The following SLC44A3 variants were observed in gnomAD, a reference collection of about 807,000 sequenced individuals.
SLC44A3 encodes solute carrier family 44 member 3.
In SLC44A3, 74 loss-of-function variants were observed where a neutral mutation model predicts 75.4. The ratio of observed to expected loss-of-function variants is 0.98; its 90% CI spans 0.81 to 1.19. The LOEUF (loss-of-function observed/expected upper bound fraction) is 1.19. SLC44A3 is among the 50% of genes most tolerant of loss of function. SLC44A3 has a pLI of 0.00. For synonymous variants in SLC44A3, 310 were observed against 296.9 expected, an observed-to-expected ratio of 1.04 and a Z score of -0.45; for missense variants, 700 against 778.6, an observed-to-expected ratio of 0.90 and a Z score of 1.20.
At chr1:94,821,696 GTCTCACCCGACA>G (rs1660613394) in intron 2 of SLC44A3, among the ~76,000 whole-genome samples, 1 of 152,134 alleles carries the variant, frequency 6.6e-6, no homozygotes, top group African/African-American at 2.4e-5. Context: ...AGCAGAAAAC[GTCTCACCCGACA>G]TTTTCAAAGG....
intron 5 of SLC44A3, among the ~76,000 whole-genome samples, chr1:94,832,630 A>G (rs1056427487): frequency 1.3e-5 from 2 of 152,336 alleles, no homozygotes; most frequent in East Asian, 1.9e-4. Context: ...TAGGTAATAC[A>G]TACTGAGTCA....
At chr1:94,828,451 C>G in intron 4 of SLC44A3, 42 bp from the exon 5 acceptor site, 2 of 1,541,216 alleles carry the variant, frequency 1.3e-6, no homozygotes, top group Non-Finnish European at 1.8e-6. Flanking sequence ...CTTACTGACT[C>G]ACCTGGAAAG....
chr1:94,892,153 A>C (rs1304906407), intron 13 of SLC44A3, 128 bp from the exon 14 acceptor site: 2 of 862,842 alleles, frequency 2.3e-6, no homozygotes, highest in Non-Finnish European at 3.6e-6. Context: ...ATTTCTGACA[A>C]GCATTCTTTA....
At chr1:94,821,243 A>T (rs573897801) in intron 2 of SLC44A3, among the ~76,000 whole-genome samples, 187 bp downstream of exon 2, 1 of 152,338 alleles carries the variant, frequency 6.6e-6, no homozygotes, top group African/African-American at 2.4e-5. Context: ...TCTTTTTGCT[A>T]CAGGCCATGT....
chr1:94,848,004 G>A (rs921790239), intron 9 of SLC44A3, among the ~76,000 whole-genome samples: 5 of 152,154 alleles, frequency 3.3e-5, no homozygotes, highest in Non-Finnish European at 5.9e-5. Context: ...CAAGGCGGGC[G>A]GATCATGAGG....
At chr1:94,875,380 T>C (rs1668165108) in intron 12 of SLC44A3, among the ~76,000 whole-genome samples, 1 of 152,174 alleles carries the variant, frequency 6.6e-6, no homozygotes, top group Admixed American at 6.5e-5. Context: ...ACTTTAGAGA[T>C]CATGAAACAG....
chr1:94,822,762 A>T (rs1264358050), intron 2 of SLC44A3, among the ~76,000 whole-genome samples: 1 of 152,150 alleles, frequency 6.6e-6, no homozygotes, highest in Non-Finnish European at 1.5e-5. Context: ...ATCCCTCAAG[A>T]TTCCATTTTC....
intron 14 of SLC44A3, among the ~76,000 whole-genome samples, chr1:94,892,873 T>C (rs1253717436): frequency 6.6e-6 from 1 of 152,178 alleles, no homozygotes; most frequent in Non-Finnish European, 1.5e-5. Flanking sequence ...TCTAGAAGTT[T>C]AACAGTTGAT....
chr1:94,862,904 A>C (rs1666742646), intron 10 of SLC44A3, among the ~76,000 whole-genome samples: 1 of 152,188 alleles, frequency 6.6e-6, no homozygotes. Context: ...TGGGTGTGTC[A>C]GATCCTCTTC....
Position 94,864,818 on chromosome 1 carries a change from T to A in SLC44A3, c.1314T>A (p.Val438=), listed in dbSNP as rs757551171. ...SILFFYHQGT[V]VKGSFLISVV... ...TCTTCTTCTACCATCAAGGAACCGTTGTGAAAGGGTCATTTTTAATCTCTG... is the reference window on the plus strand; with the variant it reads ...TCTTCTTCTACCATCAAGGAACCGTAGTGAAAGGGTCATTTTTAATCTCTG... The change falls in exon 11 of 15, where the codon GTT becomes GTA. Residue 438 remains valine, a synonymous_variant. Coordinates refer to ENST00000271227, the MANE Select transcript of SLC44A3 (RefSeq NM_001114106.3). The A allele has an allele frequency of 1.4e-5, 23 of 1,614,040 alleles. No individual in the cohort carries two copies. Among genetic ancestry groups the A allele is most frequent in the Non-Finnish European group, 1.8e-5 (21 of 1,179,920 alleles).
chr1:94,879,740 G>A (rs1433699039), intron 12 of SLC44A3, among the ~76,000 whole-genome samples: 1 of 151,108 alleles, frequency 6.6e-6, no homozygotes, highest in African/African-American at 2.4e-5. Context: ...TTGGGAGGCT[G>A]AGGCAGGAAA....
intron 9 of SLC44A3, among the ~76,000 whole-genome samples, chr1:94,851,971 A>G (rs572661131): frequency 9.9e-5 from 15 of 152,262 alleles, no homozygotes; most frequent in Non-Finnish European, 1.8e-4. Context: ...ATCCAGACTT[A>G]CAGCTAACTG....
chr1:94,853,362 C>G (rs1665453926), intron 9 of SLC44A3, among the ~76,000 whole-genome samples: 1 of 152,114 alleles, frequency 6.6e-6, no homozygotes, highest in African/African-American at 2.4e-5. Flanking sequence ...TAAGTATAGA[C>G]AATCTTGAGG....
chr1:94,820,871 C>T (rs1450099065), intron 1 of SLC44A3, 78 bp from the exon 2 acceptor site: 3 of 1,381,758 alleles, frequency 2.2e-6, no homozygotes, highest in Non-Finnish European at 2.9e-6. Flanking sequence ...GGCCCCTCTT[C>T]GAGTAGATTT....
intron 5 of SLC44A3, among the ~76,000 whole-genome samples, chr1:94,834,156 C>A (rs1662482053): frequency 6.6e-6 from 1 of 152,140 alleles, no homozygotes; most frequent in Non-Finnish European, 1.5e-5. Flanking sequence ...ATCAGTAATA[C>A]CCCACCATAC....
At chr1:94,851,722 A>G (rs1665237820) in intron 9 of SLC44A3, among the ~76,000 whole-genome samples, 2 of 152,200 alleles carry the variant, frequency 1.3e-5, no homozygotes, top group African/African-American at 4.8e-5. Context: ...AGCTGAAGCC[A>G]GTGGGAGACA....
At chr1:94,889,241 C>A (rs1402677411) in intron 12 of SLC44A3, 2 of 152,144 alleles carry the variant, frequency 1.3e-5, no homozygotes, top group Non-Finnish European at 2.9e-5. Context: ...AGACTCCACA[C>A]TGATTTCCTT....
rs1323811055 is a variant in SLC44A3, at chr1:94,845,424, G to C, written c.1032G>C (p.Trp344Cys). 3.1e-6 allele frequency: 5 copies of C among 1,613,524 alleles called. No homozygotes were observed. The highest frequency in any genetic ancestry group is 4.2e-6 in the Non-Finnish European group (5 of 1,179,990). ...CATTTGCCATCCTCATTTTCTTCTG[G>C]GTCCTCTGGGTGGCTGTGCTGCTGA... ...LWTFAILIFF[W>C]VLWVAVLLSL... Residue 344 changes from tryptophan to cysteine, a missense_variant, in exon 9 of 15, where the codon TGG (tryptophan) becomes TGC (cysteine). Coordinates refer to ENST00000271227, the MANE Select transcript of SLC44A3 (RefSeq NM_001114106.3).
intron 5 of SLC44A3, chr1:94,836,926 A>G (rs1057383589): frequency 9.9e-5 from 15 of 150,888 alleles, no homozygotes; most frequent in African/African-American, 3.2e-4. Context: ...AAAAAAAAAA[A>G]AAAAAAAAAA....
Sources: allele counts gnomAD v4.1 joint callset (sites outside exome capture counted in the v4.1 genomes callset), GRCh38; gene constraint gnomAD v4.1.1; transcripts MANE v1.5; gene names NCBI Gene and HGNC (gene_info 2026-07-23, HGNC 2026-07-21).